ETFRF1: variants seen among roughly 807,000 people sequenced by gnomAD.
The protein encoded by ETFRF1 is electron transfer flavoprotein regulatory factor 1.
A neutral mutation model predicts 9.0 loss-of-function variants in ETFRF1; 12 were observed. The observed-to-expected ratio is 1.34, with a 90% CI of 0.86 to 2.16. The LOEUF (loss-of-function observed/expected upper bound fraction) is 2.16. ETFRF1 is among the 30% of genes most tolerant of loss of function. ETFRF1 has a pLI of 0.00. For synonymous variants in ETFRF1, 34 were observed against 33.2 expected (o/e 1.02, Z -0.08); for missense variants, 98 against 101.8 (o/e 0.96, Z 0.16).
chr12:25,201,688 C>T (rs1463527382), intron 1 of ETFRF1, among the ~76,000 whole-genome samples: 1 of 152,018 alleles, frequency 6.6e-6, no homozygotes, highest in Non-Finnish European at 1.5e-5. Flanking sequence ...GCACTGGCAC[C>T]CTGCCTTTCA....
At position 25,204,229 on chromosome 12, in the gene ETFRF1, A is replaced by G. The variant is rs758738399; in HGVS notation, c.190A>G (p.Lys64Glu). The change falls in exon 3 of 3, where the codon AAA becomes GAA. Residue 64 changes from lysine (K) to glutamate (E), a missense_variant. Transcript: ENST00000381356. ...ELIAQGEFVM[K>E]ELEALYFLRK... Reference sequence around the variant, plus strand: ...TATTGCACAGGGCGAATTTGTAATGAAAGAGCTAGAAGCTTTGTACTTCCT... The same window carrying G: ...TATTGCACAGGGCGAATTTGTAATGGAAGAGCTAGAAGCTTTGTACTTCCT... The G allele has an allele frequency of 1.2e-6, 2 of 1,612,180 alleles. No individual in the cohort carries two copies. The highest frequency in any genetic ancestry group is 1.7e-6 in the Non-Finnish European group (2 of 1,179,366).
intron 1 of ETFRF1, among the ~76,000 whole-genome samples, chr12:25,198,419 T>C (rs1195182958): frequency 1.3e-5 from 2 of 152,106 alleles, no homozygotes; most frequent in Admixed American, 6.5e-5. Context: ...CCAGAGTCTA[T>C]ATGCTTCACC....
chr12:25,204,386 A>T lies in ETFRF1; in HGVS notation c.*74A>T. 1 of 1,252,028 alleles carries T rather than the reference A, an allele frequency of 8.0e-7. No individual in the cohort carries two copies. Among genetic ancestry groups the T allele is most frequent in the Non-Finnish European group, 1.1e-6 (1 of 926,184 alleles). The allele number at this position is 1,252,028 out of a possible 1,614,324, so 77.6% of individuals were successfully genotyped here. ...AGATGTTGTAAAATAATTCTAACTT[A>T]AAATGGGAAGATATACATGTTGTGT... On this transcript the variant is annotated 3_prime_UTR_variant, in exon 3 of 3. Transcript: ENST00000381356.
At chr12:25,201,536 T>G (rs1359231137) in intron 1 of ETFRF1, among the ~76,000 whole-genome samples, 2 of 152,108 alleles carry the variant, frequency 1.3e-5, no homozygotes, top group Admixed American at 1.3e-4. Flanking sequence ...GAGGGGCACA[T>G]GGGGGCTTCT....
At chr12:25,199,619 T>TACACACACACACACACACACACACACAC (rs56221882) in intron 1 of ETFRF1, among the ~76,000 whole-genome samples, 6 of 143,598 alleles carry the variant, frequency 4.2e-5, no homozygotes, top group Middle Eastern at 3.3e-3. Flanking sequence ...TATGTATACA[T>TACACACACACACACACACACACACACAC]ACACACACAC....
chr12:25,203,722 T>A, intron 1 of ETFRF1, 198 bp from the exon 2 acceptor site: 1 of 361,724 alleles, frequency 2.8e-6, no homozygotes, highest in Non-Finnish European at 5.0e-6. Flanking sequence ...ATGTCTCCCA[T>A]AGGAAAACGT....
At position 25,205,073 on chromosome 12, in the gene ETFRF1, T is replaced by G. The variant is rs951322404; in HGVS notation, c.*761T>G. 22 of 214,006 alleles carry G rather than the reference T, an allele frequency of 1.0e-4. No individual in the cohort carries two copies. In the Admixed American group the frequency reaches 1.3e-3, roughly 12 times the overall value. 13.3% of individuals were successfully genotyped at this position (214,006 alleles called of 1,614,324 possible). On this transcript the variant is annotated 3_prime_UTR_variant, in exon 3 of 3. Transcript: ENST00000381356. ...TCTACTTCTAAATATGGTTTTAAGT[T>G]TAAGCAAACACGCCTTTACATAATA...
intron 1 of ETFRF1, among the ~76,000 whole-genome samples, chr12:25,203,289 TAAA>T (rs983663340): frequency 5.3e-5 from 8 of 152,188 alleles, no homozygotes; most frequent in Non-Finnish European, 1.2e-4. Flanking sequence ...ACATTACACA[TAAA>T]GAAGCATGAT....
intron 1 of ETFRF1, among the ~76,000 whole-genome samples, chr12:25,201,700 A>G (rs1381280257): frequency 6.6e-6 from 1 of 152,226 alleles, no homozygotes. Flanking sequence ...TGCCTTTCAA[A>G]TTGTAAAAGG....
intron 1 of ETFRF1, among the ~76,000 whole-genome samples, chr12:25,202,395 G>C (rs992513703): frequency 6.9e-6 from 1 of 144,716 alleles, no homozygotes; most frequent in South Asian, 2.3e-4. Flanking sequence ...GCAGTGAGGA[G>C]GGCCTCTGGG....
rs774260398 is a variant in ETFRF1, at chr12:25,204,287, A to AT, written c.250dup (p.Ser84PhefsTer7). On this transcript the variant is annotated frameshift_variant, in exon 3 of 3. Transcript: ENST00000381356. ...TACAGAGCTATGAAACAACGCTATT[A>AT]TTCAGATACCAACAAAACTAATTGA... The AT allele has an allele frequency of 4.5e-5, 71 of 1,582,008 alleles. 1 individual carries two copies. The Middle Eastern group carries it at 6.8e-4, about 15-fold the overall frequency.
chr12:25,197,785 A>G (rs1951042265), intron 1 of ETFRF1, among the ~76,000 whole-genome samples: 1 of 152,168 alleles, frequency 6.6e-6, no homozygotes. Flanking sequence ...AATCATTCTT[A>G]GTAAGATTAT....
At position 25,204,813 on chromosome 12, in the gene ETFRF1, A is replaced by G. The variant is rs941087185; in HGVS notation, c.*501A>G. On this transcript the variant is annotated 3_prime_UTR_variant, in exon 3 of 3. Transcript: ENST00000381356. ...TCCTGGTAATGATTTAAATGTAGTT[A>G]TAGAAATAAATAATATGTATGGAGT... 3.2e-5 allele frequency: 6 copies of G among 188,850 alleles called. No homozygotes were observed. The highest frequency in any genetic ancestry group is 1.2e-4 in the Admixed American group (2 of 16,186). The allele number at this position is 188,850 out of a possible 1,614,324, so 11.7% of individuals were successfully genotyped here. A position where few individuals can be genotyped will look rare whatever the true frequency, so the allele number is the denominator to read the frequency against.
intron 1 of ETFRF1, among the ~76,000 whole-genome samples, chr12:25,201,939 G>A (rs889082093): frequency 4.6e-5 from 7 of 151,434 alleles, no homozygotes; most frequent in Admixed American, 2.0e-4. Flanking sequence ...TATAAGTTGC[G>A]GCCGGGCACG....
chr12:25,202,008 G>C lies in ETFRF1; in HGVS notation c.-37-1912G>C, dbSNP rs552433638. Among the ~76,000 whole-genome samples, 14 of 139,158 alleles carry C rather than the reference G, an allele frequency of 1.0e-4. No individual in the cohort carries two copies. The East Asian group carries it at 3.1e-3, about 31-fold the overall frequency. 91.3% of individuals were successfully genotyped at this position (139,158 alleles called of 152,430 possible). Reference sequence around the variant, plus strand: ...GGCCAAGGTGGGTGGATCACAAGGTGAGGAGATCAAGACCATCCCGGCCAA... The same window carrying C: ...GGCCAAGGTGGGTGGATCACAAGGTCAGGAGATCAAGACCATCCCGGCCAA... On this transcript the variant is annotated intron_variant, in intron 1 of 2. Coordinates refer to ENST00000381356, the MANE Select transcript of ETFRF1 (RefSeq NM_001001660.3).
chr12:25,202,858 G>A (rs2141471414), intron 1 of ETFRF1, among the ~76,000 whole-genome samples: 1 of 152,258 alleles, frequency 6.6e-6, no homozygotes. Flanking sequence ...CAGATTATAT[G>A]GAGATTAATA....
chr12:25,199,434 T>C (rs1220262078), intron 1 of ETFRF1, among the ~76,000 whole-genome samples: 1 of 150,172 alleles, frequency 6.7e-6, no homozygotes, highest in Non-Finnish European at 1.5e-5. Context: ...TACCATAGTA[T>C]ACTATATACT....
chr12:25,203,645 T>C (rs1951095785), intron 1 of ETFRF1: 2 of 261,616 alleles, frequency 7.6e-6, no homozygotes, highest in Non-Finnish European at 1.4e-5. Context: ...CACGTACCTA[T>C]CTGTGATGAC....
In ETFRF1 at chr12:25,195,277, G is replaced by T. The variant is rs1022959059; in HGVS notation, c.-98G>T. Reference sequence around the variant, plus strand: ...ACCTCCCCCAACGCCACCCCGCTTCGCAGTAGACGGACAGAGGAGTCGTAG... The same window carrying T: ...ACCTCCCCCAACGCCACCCCGCTTCTCAGTAGACGGACAGAGGAGTCGTAG... On this transcript the variant is annotated 5_prime_UTR_variant, in exon 1 of 3. Coordinates refer to ENST00000381356, the MANE Select transcript of ETFRF1 (RefSeq NM_001001660.3). 1.4e-5 allele frequency: 9 copies of T among 646,434 alleles called. No individual in the cohort carries two copies. The African/African-American group carries it at 1.6e-4, about 12-fold the overall frequency. 40.0% of individuals were successfully genotyped at this position (646,434 alleles called of 1,614,324 possible).
Sources: gnomAD v4.1 joint callset for allele counts (sites outside exome capture counted in the v4.1 genomes callset) on GRCh38, gnomAD v4.1.1 for gene constraint, MANE v1.5 for transcripts, NCBI Gene and HGNC (gene_info 2026-07-23, HGNC 2026-07-21) for gene names.